RBFOX3: variants seen among roughly 807,000 people sequenced by gnomAD.
RBFOX3 encodes RNA binding protein fox-1 homolog 3.
In RBFOX3, 17 loss-of-function variants were observed where a neutral mutation model predicts 48.7. The ratio of observed to expected loss-of-function variants is 0.35; its 90% CI spans 0.24 to 0.52. RBFOX3 has a LOEUF of 0.52. Among genes scored for constraint, RBFOX3 ranks in the 20% least tolerant of loss-of-function variants. The pLI, the probability that RBFOX3 is intolerant of heterozygous loss-of-function variation, is 0.94. For synonymous variants in RBFOX3, 212 were observed against 209.5 expected, an observed-to-expected ratio of 1.01 and a Z score of -0.10; for missense variants, 382 against 497.5, an observed-to-expected ratio of 0.77 and a Z score of 2.21.
the RBFOX3 span, among the ~76,000 whole-genome samples, chr17:79,657,184 G>A: frequency 1.1e-4 from 16 of 152,340 alleles, no homozygotes; most frequent in African/African-American, 3.8e-4. Flanking sequence ...GAGAGGATGG[G>A]GAGGAAGCAG....
Position 79,471,012 on chromosome 17 carries a change from A to C in RBFOX3, c.-175+11442T>G, listed in dbSNP as rs2076994909. Among the ~76,000 whole-genome samples, 2 of 148,210 alleles carry C rather than the reference A, an allele frequency of 1.3e-5. No individual in the cohort carries two copies. The highest frequency in any genetic ancestry group is 4.2e-4 in the South Asian group (2 of 4,818). ...TGTTCTAGCTCTGTGATGCACCACC[A>C]CGAAAAAAATAACAGCAGAACCAGC... On this transcript the variant is annotated intron_variant, in intron 2 of 14. Transcript: ENST00000693108. This position sits in a 1 kb window ranked among gnomAD's most constrained non-coding sequence, Gnocchi z 4.0.
At position 79,199,738 on chromosome 17, in the gene RBFOX3, T is replaced by C. The variant is rs1446898653; in HGVS notation, c.-34+36028A>G. Among the ~76,000 whole-genome samples the C allele has an allele frequency of 6.6e-6, 1 of 152,210 alleles. No homozygotes were observed. Among genetic ancestry groups the C allele is most frequent in the Admixed American group, 6.5e-5 (1 of 15,284 alleles). Reference sequence around the variant, plus strand: ...TGACCATATTGACACAGATATGACATTGCTGCTGCTGTAGGATTTCTGAAG... The same window carrying C: ...TGACCATATTGACACAGATATGACACTGCTGCTGCTGTAGGATTTCTGAAG... On this transcript the variant is annotated intron_variant, in intron 4 of 14. Transcript: ENST00000693108. This position sits in a 1 kb window ranked among gnomAD's most constrained non-coding sequence, Gnocchi z 5.1.
chr17:79,393,587 T>C (rs2061609132), intron 2 of RBFOX3, among the ~76,000 whole-genome samples: 1 of 151,966 alleles, frequency 6.6e-6, no homozygotes, highest in Non-Finnish European at 1.5e-5. Context: ...TGGTCATCAA[T>C]GAACATCTGA....
chr17:79,260,250 C>A (rs118011297), intron 3 of RBFOX3, among the ~76,000 whole-genome samples: 1 of 152,062 alleles, frequency 6.6e-6, no homozygotes, highest in Non-Finnish European at 1.5e-5. Context: ...CTGTCGGGGA[C>A]CCCCTGCCCT....
rs183186254 is a variant in RBFOX3 at position 79,125,640 on chromosome 17, G to A, written c.-33-9892C>T. Among the ~76,000 whole-genome samples, 881 of 152,326 alleles carry A rather than the reference G, an allele frequency of 5.8e-3. 9 individuals carry two copies. The highest frequency in any genetic ancestry group is 0.021 in the African/African-American group (854 of 41,574). On this transcript the variant is annotated intron_variant, in intron 4 of 14. Coordinates refer to ENST00000693108, the MANE Select transcript of RBFOX3 (RefSeq NM_001350451.2). ...CCGCACGGCCTGGCCGCCTTCCCTC[G>A]GCACAGCCCTTCCTGGCTCCCTCTC... is the stretch of plus-strand genomic sequence containing the variant.
intron 1 of RBFOX3, among the ~76,000 whole-genome samples, chr17:79,549,552 G>C: frequency 6.6e-6 from 1 of 152,270 alleles, no homozygotes; most frequent in East Asian, 1.9e-4. Flanking sequence ...ATTTGTGTCT[G>C]TGTCAAAGTG....
chr17:79,100,418 A>G (rs1036889743), intron 9 of RBFOX3: 1 of 152,248 alleles, frequency 6.6e-6, no homozygotes, highest in Non-Finnish European at 1.5e-5. Flanking sequence ...AAGTCCTCAG[A>G]AAAGCAGGAT....
rs1407722605 is a variant in RBFOX3, at chr17:79,220,117, A to G, written c.-34+15649T>C. On this transcript the variant is annotated intron_variant, in intron 4 of 14. Coordinates refer to ENST00000693108, the MANE Select transcript of RBFOX3 (RefSeq NM_001350451.2). The surrounding 1 kb of genome is among the most constrained non-coding windows in gnomAD (Gnocchi z 5.9). ...GTGGGGGGAGCACGCTGAGCTTCCC[A>G]ACATTTCAGCCCCAGATCTGCCCAG... Among the ~76,000 whole-genome samples, 3 of 152,180 alleles carry G rather than the reference A, an allele frequency of 2.0e-5. No homozygotes were observed. Among genetic ancestry groups the G allele is most frequent in the African/African-American group, 7.2e-5 (3 of 41,446 alleles).
At chr17:79,182,461 C>T (rs1432791949) in intron 4 of RBFOX3, among the ~76,000 whole-genome samples, 3 of 152,146 alleles carry the variant, frequency 2.0e-5, no homozygotes, top group African/African-American at 7.2e-5. Context: ...AGGGAGTCCC[C>T]CTCTGTCCCC....
At chr17:79,602,678 A>C (rs1220988723) in intron 1 of RBFOX3, among the ~76,000 whole-genome samples, 1 of 151,902 alleles carries the variant, frequency 6.6e-6, no homozygotes, top group Non-Finnish European at 1.5e-5. Flanking sequence ...TTTTTTTCTA[A>C]TGGGCTTTGC....
intron 4 of RBFOX3, among the ~76,000 whole-genome samples, chr17:79,118,106 C>T (rs867412370): frequency 2.0e-5 from 3 of 151,984 alleles, no homozygotes; most frequent in East Asian, 1.9e-4. Flanking sequence ...CCCCCAGTGC[C>T]GGCCGGCCCT....
chr17:79,185,084 T>G (rs1297047266), intron 4 of RBFOX3, among the ~76,000 whole-genome samples: 1 of 151,392 alleles, frequency 6.6e-6, no homozygotes, highest in South Asian at 2.1e-4. Context: ...GACCATTCTC[T>G]CAGGTGCCCC....
chr17:79,583,491 A>G (rs2093145055), intron 1 of RBFOX3, among the ~76,000 whole-genome samples: 1 of 152,182 alleles, frequency 6.6e-6, no homozygotes, highest in Admixed American at 6.5e-5. Flanking sequence ...AAGAACAGCT[A>G]ACTGGGACCC....
At chr17:79,532,203 G>C (rs1157922446) in intron 1 of RBFOX3, among the ~76,000 whole-genome samples, 7 of 152,148 alleles carry the variant, frequency 4.6e-5, no homozygotes, top group African/African-American at 1.2e-4. Flanking sequence ...CACTGGAGGG[G>C]GGAGGGGAGG....
chr17:79,093,720 A>C (rs896302938), intron 14 of RBFOX3, among the ~76,000 whole-genome samples: 2 of 151,098 alleles, frequency 1.3e-5, no homozygotes, highest in African/African-American at 4.9e-5. Flanking sequence ...GCCAGTGGGT[A>C]CAGGAGGCAG....
upstream of RBFOX3, among the ~76,000 whole-genome samples, chr17:79,611,156 CTCTCTCTCTCTCTCTCTCCGCCCTCCT>C (rs2093962714): frequency 3.9e-3 from 130 of 33,290 alleles, 13 homozygotes; most frequent in African/African-American, 7.2e-3. Context: ...CTCTCTCTCT[CTCTCTCTCTCTCTCTCTCCGCCCTCCT>C]TCTCTCTCTC....
chr17:79,266,839 G>A (rs532294235), intron 3 of RBFOX3, among the ~76,000 whole-genome samples: 7 of 152,180 alleles, frequency 4.6e-5, no homozygotes, highest in African/African-American at 1.4e-4. Flanking sequence ...TGGCGAACAC[G>A]TGGGTGTGCC....
At chr17:79,408,775 T>A (rs1205104177) in intron 2 of RBFOX3, among the ~76,000 whole-genome samples, 1 of 152,202 alleles carries the variant, frequency 6.6e-6, no homozygotes, top group Non-Finnish European at 1.5e-5. Flanking sequence ...ATCATCACCA[T>A]CATTGTTCTT....
chr17:79,354,000 C>T (rs578227849), intron 2 of RBFOX3, among the ~76,000 whole-genome samples: 8 of 152,278 alleles, frequency 5.3e-5, no homozygotes, highest in African/African-American at 1.9e-4. Flanking sequence ...TTTTAATAGC[C>T]TTAATGTTTT....
Sources: gnomAD v4.1 joint callset for allele counts (sites outside exome capture counted in the v4.1 genomes callset) on GRCh38, gnomAD v4.1.1 for gene constraint, Gnocchi (gnomAD v3.1) non-coding constraint, MANE v1.5 for transcripts, NCBI Gene and HGNC (gene_info 2026-07-23, HGNC 2026-07-21) for gene names.